TXNRD1: variants seen among roughly 807,000 people sequenced by gnomAD.
TXNRD1 encodes the protein thioredoxin reductase 1, also known as thioredoxin reductase 1, cytoplasmic.
TXNRD1 carries 57 observed loss-of-function variants against 80.3 expected under a neutral mutation model. The ratio of observed to expected loss-of-function variants is 0.71; its 90% confidence interval spans 0.57 to 0.89. The LOEUF (loss-of-function observed/expected upper bound fraction) is 0.89. Ranked by LOEUF, TXNRD1 falls within the 40% of genes least tolerant of loss-of-function variation. The pLI is 0.00. For missense variants in TXNRD1, 730 were observed against 803.0 expected, an observed-to-expected ratio of 0.91 and a Z score of 1.10; for synonymous variants, 291 against 285.2, an observed-to-expected ratio of 1.02 and a Z score of -0.20.
intron 4 of TXNRD1, chr12:104,304,196 C>T: frequency 6.2e-7 from 1 of 1,614,068 alleles, no homozygotes; most frequent in Non-Finnish European, 8.5e-7. Flanking sequence ...AGAAGCAGCC[C>T]TCGACGCCCG....
intron 3 of TXNRD1, among the ~76,000 whole-genome samples, chr12:104,277,017 G>C (rs536258464): frequency 6.6e-6 from 1 of 152,154 alleles, no homozygotes; most frequent in African/African-American, 2.4e-5. Flanking sequence ...GGAGGCTGAG[G>C]TGAGAGGACT....
chr12:104,322,624 C>T (rs1210360430), intron 10 of TXNRD1, among the ~76,000 whole-genome samples: 3 of 151,962 alleles, frequency 2.0e-5, no homozygotes, highest in Admixed American at 6.6e-5. Context: ...AAGTGGTCCT[C>T]CCAGTGCAGT....
At chr12:104,323,800 G>C (rs1228993444) in intron 10 of TXNRD1, among the ~76,000 whole-genome samples, 7 of 102,134 alleles carry the variant, frequency 6.9e-5, no homozygotes, top group South Asian at 3.8e-4. Flanking sequence ...CTGGCCGGGC[G>C]GGGGGGCTGA....
intron 4 of TXNRD1, chr12:104,289,351 A>C: frequency 3.9e-6 from 1 of 254,960 alleles, no homozygotes; most frequent in East Asian, 7.8e-5. Flanking sequence ...ATTTTTTAGC[A>C]GCAATGTAAT....
chr12:104,342,358 A>C (rs1367523272), intron 16 of TXNRD1, among the ~76,000 whole-genome samples: 1 of 152,150 alleles, frequency 6.6e-6, no homozygotes, highest in African/African-American at 2.4e-5. Flanking sequence ...AAAGATGCTC[A>C]TCTCACTAGT....
intron 13 of TXNRD1, among the ~76,000 whole-genome samples, chr12:104,328,841 T>C (rs188397654): frequency 1.3e-5 from 2 of 152,300 alleles, no homozygotes; most frequent in African/African-American, 4.8e-5. Flanking sequence ...TAAAATGATT[T>C]TTTAAAAGTC....
intron 3 of TXNRD1, chr12:104,280,239 A>G (rs1348266172): frequency 6.6e-6 from 1 of 152,022 alleles, no homozygotes; most frequent in Non-Finnish European, 1.5e-5. Context: ...AGGATTTCTT[A>G]CCTACCACCA....
chr12:104,348,329 G>A (rs1353642702), intron 16 of TXNRD1, 24 bp from the exon 17 acceptor site: 1 of 1,613,316 alleles, frequency 6.2e-7, no homozygotes, highest in South Asian at 1.1e-5. Flanking sequence ...ATCTGAAGAT[G>A]TTGTGCTTTC....
intron 16 of TXNRD1, chr12:104,345,947 T>A (rs1017393614): frequency 1.8e-5 from 23 of 1,288,104 alleles, no homozygotes; most frequent in South Asian, 2.5e-5. Flanking sequence ...GCTCATTTTT[T>A]AAAAATACAT....
chr12:104,251,437 G>A (rs768039945), intron 1 of TXNRD1, 90 bp from the exon 2 acceptor site: 96 of 1,377,746 alleles, frequency 7.0e-5, no homozygotes, highest in Admixed American at 2.4e-4. Flanking sequence ...GACTTAAATG[G>A]TAATGCTTTT....
rs59826073 is a variant in TXNRD1 at position 104,311,331 on chromosome 12, C to T, written c.456C>T (p.Asn152=). 19 of 1,610,466 alleles carry T rather than the reference C, an allele frequency of 1.2e-5. No individual in the cohort carries two copies. The highest frequency in any genetic ancestry group is 1.7e-5 in the Admixed American group (1 of 59,402). ...EGRLQKLLKM[N]GPEDLPKSYD... is the part of the protein sequence containing the mutation. ...GACTTCAAAAGCTACTAAAAATGAA[C>T]GGCCCTGAAGATCTTCCCAAGTCCT... Residue 152 remains asparagine, a synonymous_variant, in exon 5 of 17, where the codon AAC becomes AAT. Transcript: ENST00000525566.
intron 13 of TXNRD1, among the ~76,000 whole-genome samples, chr12:104,329,503 G>A (rs1344147013): frequency 1.3e-5 from 2 of 151,822 alleles, no homozygotes; most frequent in Non-Finnish European, 2.9e-5. Flanking sequence ...CAAAAAATGA[G>A]ATCGGTGAGG....
At chr12:104,313,385 G>A in intron 6 of TXNRD1, 68 bp downstream of exon 6, 2 of 1,201,194 alleles carry the variant, frequency 1.7e-6, no homozygotes, top group Non-Finnish European at 2.3e-6. Context: ...AATCTAACTG[G>A]TTCCTAAAGC....
Position 104,309,886 on chromosome 12 carries a change from C to A in TXNRD1, c.415-1404C>A, listed in dbSNP as rs775898949. On this transcript the variant is annotated intron_variant, in intron 4 of 16. Transcript: ENST00000525566. ...TGGTGCAGTCTTGCCCCCACTGTTGCTGGTTTCCAGGTGTTCTCCCTTCAG... is the reference window on the plus strand; with the variant it reads ...TGGTGCAGTCTTGCCCCCACTGTTGATGGTTTCCAGGTGTTCTCCCTTCAG... The A allele has an allele frequency of 1.2e-5, 19 of 1,536,072 alleles. No individual in the cohort carries two copies. In the South Asian group the frequency reaches 2.3e-4, roughly 18 times the overall value.
At chr12:104,320,852 T>A (rs1406896427) in intron 9 of TXNRD1, among the ~76,000 whole-genome samples, 1 of 152,198 alleles carries the variant, frequency 6.6e-6, no homozygotes, top group Non-Finnish European at 1.5e-5. Context: ...TATCAGAAGT[T>A]ACACAGTTTG....
At chr12:104,287,770 G>A (rs1274581873) in intron 3 of TXNRD1, among the ~76,000 whole-genome samples, 1 of 152,166 alleles carries the variant, frequency 6.6e-6, no homozygotes, top group Non-Finnish European at 1.5e-5. Context: ...CATTGCCTGG[G>A]TTTGAATCCT....
chr12:104,262,506 C>A (rs1038489176), intron 3 of TXNRD1: 1 of 152,182 alleles, frequency 6.6e-6, no homozygotes, highest in Non-Finnish European at 1.5e-5. Flanking sequence ...TCTGTTTCTT[C>A]TGGGTTCCAA....
At chr12:104,324,118 G>T (rs1473422196) in intron 10 of TXNRD1, among the ~76,000 whole-genome samples, 1 of 152,112 alleles carries the variant, frequency 6.6e-6, no homozygotes, top group Non-Finnish European at 1.5e-5. Context: ...AGTGAATAAG[G>T]GTGGAGGTGG....
chr12:104,339,948 G>GCA (rs959231687), intron 16 of TXNRD1, among the ~76,000 whole-genome samples: 3 of 152,058 alleles, frequency 2.0e-5, no homozygotes, highest in Non-Finnish European at 4.4e-5. Flanking sequence ...TTGCAAACAC[G>GCA]CACACACACA....
Sources: allele counts gnomAD v4.1 joint callset (sites outside exome capture counted in the v4.1 genomes callset), GRCh38; gene constraint gnomAD v4.1.1; transcripts MANE v1.5; gene names NCBI Gene and HGNC (gene_info 2026-07-23, HGNC 2026-07-21).